NAV2: variants seen among roughly 807,000 people sequenced by gnomAD.
NAV2 encodes neuron navigator 2.
NAV2 carries 54 observed loss-of-function variants against 223.2 expected under a neutral mutation model. The observed-to-expected ratio is 0.24, with a 90% confidence interval of 0.19 to 0.30. NAV2 has a LOEUF of 0.30. Among genes scored for constraint, NAV2 ranks in the 10% least tolerant of loss-of-function variants. The pLI, the probability that NAV2 is intolerant of heterozygous loss-of-function variation, is 1.00. For synonymous variants in NAV2, 1,279 were observed against 1,239.3 expected, an observed-to-expected ratio of 1.03 and a Z score of -0.67; for missense variants, 2,806 against 3,147.5, an observed-to-expected ratio of 0.89 and a Z score of 2.60.
intron 1 of NAV2, among the ~76,000 whole-genome samples, chr11:19,355,986 T>TGAGC (rs1853593710): frequency 6.6e-6 from 1 of 152,192 alleles, no homozygotes; most frequent in South Asian, 2.1e-4. Flanking sequence ...GCTCCCCAGA[T>TGAGC]GAGCTGAAAT....
Position 19,881,870 on chromosome 11 carries a change from G to A in NAV2, c.770+1743G>A, listed in dbSNP as rs113520035. ...ACATGAAGGGTAAGCTTGGTGTGTT[G>A]GAAGAGCATAAACAAGGTTATTATA... is the stretch of plus-strand genomic sequence containing the variant. On this transcript the variant is annotated intron_variant, in intron 5 of 37. Transcript: ENST00000349880. Among the ~76,000 whole-genome samples, 1,452 of 152,266 alleles carry A rather than the reference G, an allele frequency of 9.5e-3. 26 individuals carry two copies. The highest frequency in any genetic ancestry group is 0.027 in the Middle Eastern group (8 of 294).
chr11:19,865,899 G>C (rs761088838), intron 3 of NAV2, among the ~76,000 whole-genome samples: 3 of 152,212 alleles, frequency 2.0e-5, no homozygotes, highest in African/African-American at 7.2e-5. Context: ...ATCAAGGTGT[G>C]TGTTGAATCG....
Position 19,998,784 on chromosome 11 carries a change from G to A in NAV2, c.2768+14537G>A, listed in dbSNP as rs985492090. Among the ~76,000 whole-genome samples the A allele has an allele frequency of 2.0e-5, 3 of 152,280 alleles. No individual in the cohort carries two copies. The highest frequency in any genetic ancestry group is 4.4e-5 in the Non-Finnish European group (3 of 68,022). On this transcript the variant is annotated intron_variant, in intron 11 of 37. Transcript: ENST00000349880. This position sits in a 1 kb window ranked among gnomAD's most constrained non-coding sequence, Gnocchi z 5.0. ...CTCAACTCAAACTTCACCACTTAGA[G>A]AGGCTGCTACTGACCACTCAATCTA...
At chr11:19,851,636 A>T (rs2061138364) in intron 3 of NAV2, among the ~76,000 whole-genome samples, 1 of 152,350 alleles carries the variant, frequency 6.6e-6, no homozygotes, top group African/African-American at 2.4e-5. Flanking sequence ...TGAGAAGGTC[A>T]TTCCCTGCCC....
chr11:19,765,057 C>T (rs910939070), intron 1 of NAV2, among the ~76,000 whole-genome samples: 3 of 152,170 alleles, frequency 2.0e-5, no homozygotes, highest in African/African-American at 7.2e-5. Flanking sequence ...CTGCCACCAC[C>T]CTGGACCCTG....
chr11:19,771,488 G>A (rs1283289937), intron 1 of NAV2, among the ~76,000 whole-genome samples: 2 of 152,060 alleles, frequency 1.3e-5, no homozygotes, highest in Non-Finnish European at 2.9e-5. Context: ...ATGGAGGTGT[G>A]ACCATACATG....
chr11:19,693,638 C>T (rs1449700270), intron 1 of NAV2, among the ~76,000 whole-genome samples: 1 of 152,162 alleles, frequency 6.6e-6, no homozygotes, highest in African/African-American at 2.4e-5. Context: ...TGTTTCCCAC[C>T]CACACCCCTG....
At chr11:19,603,351 G>A (rs1223011388) in intron 1 of NAV2, among the ~76,000 whole-genome samples, 3 of 152,160 alleles carry the variant, frequency 2.0e-5, no homozygotes, top group African/African-American at 7.2e-5. Flanking sequence ...AAGAGGGCCA[G>A]GCACAGTGGC....
chr11:19,473,454 T>G (rs894666364), intron 1 of NAV2, among the ~76,000 whole-genome samples: 6 of 152,208 alleles, frequency 3.9e-5, no homozygotes, highest in Non-Finnish European at 7.3e-5. Flanking sequence ...TTTCAGGTTT[T>G]CTTTTCCAGA....
intron 1 of NAV2, among the ~76,000 whole-genome samples, chr11:19,560,461 C>T (rs994005519): frequency 6.6e-6 from 1 of 152,174 alleles, no homozygotes; most frequent in Non-Finnish European, 1.5e-5. Flanking sequence ...TCAGTGTCTT[C>T]GCCTTTATAA....
intron 5 of NAV2, among the ~76,000 whole-genome samples, chr11:19,889,324 C>A (rs1377126461): frequency 6.6e-6 from 1 of 152,136 alleles, no homozygotes; most frequent in Admixed American, 6.5e-5. Flanking sequence ...AAGCAACGAT[C>A]TGAGCCCATT....
At chr11:19,734,934 A>G (rs923691434) in intron 1 of NAV2, among the ~76,000 whole-genome samples, 7 of 152,228 alleles carry the variant, frequency 4.6e-5, no homozygotes, top group Admixed American at 6.5e-5. Flanking sequence ...GCATGTAGTT[A>G]TTACAAGCAT....
chr11:19,664,514 A>G (rs1019343331), intron 1 of NAV2, among the ~76,000 whole-genome samples: 3 of 152,176 alleles, frequency 2.0e-5, no homozygotes, highest in African/African-American at 7.2e-5. Flanking sequence ...AGAGCCATTT[A>G]TGGGAGAAGC....
At position 19,831,223 on chromosome 11, in the gene NAV2, C is replaced by CGGT. The variant is rs1555083701; in HGVS notation, c.268-1259_268-1258insTGG. On this transcript the variant is annotated intron_variant, in intron 1 of 37. Coordinates refer to ENST00000349880, the MANE Select transcript of NAV2 (RefSeq NM_145117.5). Reference sequence around the variant, plus strand: ...TCCTGTTCCCATTCCAGGAGTGTTGCGGGGGGGGGGGGGGCGCGATGGGGA... The same window carrying CGGT: ...TCCTGTTCCCATTCCAGGAGTGTTGCGGTGGGGGGGGGGGGGGCGCGATGGGGA... Among the ~76,000 whole-genome samples the CGGT allele has an allele frequency of 6.9e-3, 6 of 872 alleles. 1 individual carries two copies. In the South Asian group the frequency reaches 0.079, roughly 11 times the overall value. 0.6% of individuals were successfully genotyped at this position (872 alleles called of 152,430 possible).
At chr11:19,977,897 C>T (rs764753914) in intron 10 of NAV2, among the ~76,000 whole-genome samples, 7 of 151,088 alleles carry the variant, frequency 4.6e-5, no homozygotes, top group South Asian at 2.1e-4. Context: ...CTCTGCCTCC[C>T]GGGTTCAAGC....
intron 1 of NAV2, among the ~76,000 whole-genome samples, chr11:19,352,574 G>A (rs1853386935): frequency 6.6e-6 from 1 of 152,144 alleles, no homozygotes; most frequent in African/African-American, 2.4e-5. Flanking sequence ...AACATCAATT[G>A]GTCATGCTCA....
intron 1 of NAV2, among the ~76,000 whole-genome samples, chr11:19,426,432 C>G (rs1850830848): frequency 6.6e-6 from 1 of 152,114 alleles, no homozygotes; most frequent in African/African-American, 2.4e-5. Context: ...AAGAAATAAA[C>G]CAGGGATGCT....
intron 1 of NAV2, among the ~76,000 whole-genome samples, chr11:19,676,120 C>CTG (rs139586883): frequency 0.011 from 1,722 of 152,254 alleles, 44 homozygotes; most frequent in East Asian, 0.081. Flanking sequence ...CATTCCTCAG[C>CTG]TGTTTGATTT....
chr11:20,120,793 A>G lies in NAV2; in HGVS notation c.*2535A>G, dbSNP rs2063436405. Reference sequence around the variant, plus strand: ...GTTTCGGGAAGCAGGGTTGTCTAATATGCACATTTCTTATTTTGGTCATAT... The same window carrying G: ...GTTTCGGGAAGCAGGGTTGTCTAATGTGCACATTTCTTATTTTGGTCATAT... On this transcript the variant is annotated 3_prime_UTR_variant, in exon 38 of 38. Transcript: ENST00000349880. 6.6e-6 allele frequency: 1 copy of G among 152,370 alleles called. No individual in the cohort carries two copies. The highest frequency in any genetic ancestry group is 1.5e-5 in the Non-Finnish European group (1 of 68,012). The allele number at this position is 152,370 out of a possible 1,614,324, so 9.4% of individuals were successfully genotyped here. A position where few individuals can be genotyped will look rare whatever the true frequency, so the allele number is the denominator to read the frequency against.
Sources: allele counts gnomAD v4.1 joint callset (sites outside exome capture counted in the v4.1 genomes callset), GRCh38; gene constraint gnomAD v4.1.1; non-coding constraint Gnocchi (gnomAD v3.1); transcripts MANE v1.5; gene names NCBI Gene and HGNC (gene_info 2026-07-23, HGNC 2026-07-21).